The following PLCB1 variants were observed in gnomAD, a reference collection of about 807,000 sequenced individuals.
PLCB1 encodes phospholipase C beta 1, also known as 1-phosphatidylinositol 4,5-bisphosphate phosphodiesterase beta-1.
Under a neutral mutation model 161.8 loss-of-function variants are expected in PLCB1, and 46 were observed. The ratio of observed to expected loss-of-function variants is 0.28; its 90% CI spans 0.22 to 0.36. PLCB1 has a LOEUF of 0.36. Ranked by LOEUF, PLCB1 falls within the 10% of genes least tolerant of loss-of-function variation. The pLI is 1.00. For synonymous variants in PLCB1, 517 were observed against 503.7 expected (o/e 1.03, Z -0.35); for missense variants, 1,016 against 1,472.5 (o/e 0.69, Z 5.07).
chr20:8,212,629 T>C (rs1049679066), intron 2 of PLCB1, among the ~76,000 whole-genome samples: 5 of 152,114 alleles, frequency 3.3e-5, no homozygotes, highest in Non-Finnish European at 7.4e-5. Flanking sequence ...CACGTAGGCA[T>C]ACAAAACGCA....
At chr20:8,542,939 A>G (rs149010769) in intron 3 of PLCB1, among the ~76,000 whole-genome samples, 39 of 152,332 alleles carry the variant, frequency 2.6e-4, no homozygotes, top group Non-Finnish European at 5.0e-4. Flanking sequence ...CAGACTATGT[A>G]TTGCACAGCT....
chr20:8,524,285 A>G (rs1028155810), intron 3 of PLCB1, among the ~76,000 whole-genome samples: 1 of 152,168 alleles, frequency 6.6e-6, no homozygotes, highest in Non-Finnish European at 1.5e-5. Context: ...TCAATAAATC[A>G]TGAAAAAAAT....
chr20:8,426,371 C>T (rs1466226955), intron 3 of PLCB1, among the ~76,000 whole-genome samples: 1 of 152,142 alleles, frequency 6.6e-6, no homozygotes, highest in Non-Finnish European at 1.5e-5. Flanking sequence ...CGCAGAAAAC[C>T]GACCACGCGC....
chr20:8,532,197 C>T (rs995005789), intron 3 of PLCB1, among the ~76,000 whole-genome samples: 1 of 152,112 alleles, frequency 6.6e-6, no homozygotes, highest in African/African-American at 2.4e-5. Context: ...TTAAATAAAA[C>T]AAAATGAGCG....
intron 3 of PLCB1, among the ~76,000 whole-genome samples, chr20:8,399,499 T>G (rs1004968788): frequency 1.3e-5 from 2 of 152,196 alleles, no homozygotes; most frequent in African/African-American, 4.8e-5. Flanking sequence ...CTATTAATGC[T>G]TACTGAAATA....
At chr20:8,359,148 C>G (rs1986458911) in intron 2 of PLCB1, among the ~76,000 whole-genome samples, 1 of 152,036 alleles carries the variant, frequency 6.6e-6, no homozygotes, top group South Asian at 2.1e-4. Flanking sequence ...ACAGTGATTG[C>G]TTTTTACTTA....
intron 3 of PLCB1, among the ~76,000 whole-genome samples, chr20:8,390,245 C>A (rs1344749177): frequency 6.6e-6 from 1 of 152,088 alleles, no homozygotes; most frequent in East Asian, 1.9e-4. Context: ...TCTTTGGAGG[C>A]CTTTCTCCTC....
intron 2 of PLCB1, among the ~76,000 whole-genome samples, chr20:8,336,897 G>C (rs1985601448): frequency 6.6e-6 from 1 of 151,438 alleles, no homozygotes; most frequent in East Asian, 1.9e-4. Context: ...TGATAACTAT[G>C]ATTATAATCT....
At chr20:8,775,051 A>C (rs1255354848) in intron 27 of PLCB1, among the ~76,000 whole-genome samples, 1 of 148,674 alleles carries the variant, frequency 6.7e-6, no homozygotes, top group Non-Finnish European at 1.5e-5. Flanking sequence ...GAAATTAAGA[A>C]CATGTTGCAA....
intron 12 of PLCB1, among the ~76,000 whole-genome samples, chr20:8,714,772 T>C (rs1600270636): frequency 6.6e-6 from 1 of 152,220 alleles, no homozygotes. Flanking sequence ...TCCCTGCAGT[T>C]CCAAGAAAGC....
chr20:8,206,459 C>A (rs930000505), intron 2 of PLCB1, among the ~76,000 whole-genome samples: 1 of 152,060 alleles, frequency 6.6e-6, no homozygotes, highest in African/African-American at 2.4e-5. Flanking sequence ...GCATTGTTAT[C>A]GTTGCTACCT....
intron 2 of PLCB1, among the ~76,000 whole-genome samples, chr20:8,279,808 C>T (rs1007443216): frequency 6.6e-6 from 1 of 151,928 alleles, no homozygotes; most frequent in African/African-American, 2.4e-5. Context: ...GGCACACAGG[C>T]ACAACTAAAC....
At chr20:8,218,494 C>T (rs751684604) in intron 2 of PLCB1, among the ~76,000 whole-genome samples, 1 of 152,076 alleles carries the variant, frequency 6.6e-6, no homozygotes, top group African/African-American at 2.4e-5. Flanking sequence ...TCTGTGGCTT[C>T]GGGCCAGTGA....
intron 3 of PLCB1, among the ~76,000 whole-genome samples, chr20:8,539,664 C>CTT (rs1555768765): frequency 1.1e-5 from 1 of 93,744 alleles, no homozygotes; most frequent in African/African-American, 4.4e-5. Context: ...TTCTTTCTTT[C>CTT]TTTCTTTCTT....
intron 19 of PLCB1, among the ~76,000 whole-genome samples, chr20:8,734,892 A>G (rs1170278313): frequency 2.0e-5 from 3 of 152,194 alleles, no homozygotes; most frequent in Non-Finnish European, 4.4e-5. Context: ...AGCTTCACTA[A>G]TTTCTTTCTA....
chr20:8,812,135 A>C (rs895812060), intron 31 of PLCB1, among the ~76,000 whole-genome samples: 1 of 152,130 alleles, frequency 6.6e-6, no homozygotes, highest in East Asian at 1.9e-4. Context: ...CTTGCTTGCT[A>C]TATACCCAAA....
At chr20:8,599,459 T>G (rs1230358482) in intron 3 of PLCB1, among the ~76,000 whole-genome samples, 1 of 143,260 alleles carries the variant, frequency 7.0e-6, no homozygotes, top group Non-Finnish European at 1.5e-5. Flanking sequence ...GGGTTTCTGC[T>G]GAGAGATCCG....
At chr20:8,717,282 T>C (rs1479806809) in intron 13 of PLCB1, among the ~76,000 whole-genome samples, 2 of 152,222 alleles carry the variant, frequency 1.3e-5, no homozygotes, top group Non-Finnish European at 2.9e-5. Context: ...TGCCCGTCTT[T>C]ACCAACTCCT....
intron 2 of PLCB1, among the ~76,000 whole-genome samples, chr20:8,152,344 G>T (rs1000908250): frequency 2.6e-5 from 4 of 151,982 alleles, no homozygotes; most frequent in Non-Finnish European, 5.9e-5. Context: ...TTTCTTTCTG[G>T]CTTGAAGCCC....
Sources: allele counts gnomAD v4.1 joint callset (sites outside exome capture counted in the v4.1 genomes callset), GRCh38; gene constraint gnomAD v4.1.1; transcripts MANE v1.5; gene names NCBI Gene and HGNC (gene_info 2026-07-23, HGNC 2026-07-21).